PDZRN3: variants seen among roughly 807,000 people sequenced by gnomAD.
PDZRN3 encodes the protein E3 ubiquitin-protein ligase PDZRN3.
In PDZRN3, 38 loss-of-function variants were observed where a neutral mutation model predicts 85.7. The observed-to-expected ratio is 0.44, with a 90% confidence interval of 0.34 to 0.58. The LOEUF is 0.58. PDZRN3 is among the 20% of genes least tolerant of loss of function. The probability of loss-of-function intolerance (pLI) is 0.01; values close to 1 mark genes in which losing one functional copy is unlikely to be tolerated. For missense variants in PDZRN3, 1,629 were observed against 1,506.4 expected (o/e 1.08, Z -1.35); for synonymous variants, 759 against 638.0 (o/e 1.19, Z -2.86).
chr3:73,610,535 T>C (rs1559757173), intron 1 of PDZRN3, among the ~76,000 whole-genome samples: 1 of 152,248 alleles, frequency 6.6e-6, no homozygotes, highest in East Asian at 1.9e-4. Flanking sequence ...GTTTATGTCT[T>C]TCTACTTAGG....
chr3:73,507,546 A>C (rs987623158), intron 3 of PDZRN3, among the ~76,000 whole-genome samples: 1 of 152,222 alleles, frequency 6.6e-6, no homozygotes, highest in Non-Finnish European at 1.5e-5. Context: ...GTGAGATGAC[A>C]GGTTACTTCT....
chr3:73,505,070 C>T (rs749953994), intron 3 of PDZRN3, among the ~76,000 whole-genome samples: 5 of 152,106 alleles, frequency 3.3e-5, no homozygotes, highest in Non-Finnish European at 7.3e-5. Flanking sequence ...AGCCAAATCC[C>T]GTTCCTAGTC....
chr3:73,388,286 G>A (rs2106683472), intron 7 of PDZRN3: 1 of 414,640 alleles, frequency 2.4e-6, no homozygotes, highest in Non-Finnish European at 4.2e-6. Flanking sequence ...GCCTCCATGA[G>A]TATAGTTCAT....
rs559275022 is a variant in PDZRN3 at position 73,390,168 on chromosome 3, G to A, written c.1354-290C>T. ...ACAGCTGACTTTTGTTGCATGCATG[G>A]TAATTAAAATCAAATCAATGATGTA... On this transcript the variant is annotated intron_variant, in intron 6 of 9. Transcript: ENST00000263666. Among the ~76,000 whole-genome samples, 4 of 152,290 alleles carry A rather than the reference G, an allele frequency of 2.6e-5. No individual in the cohort carries two copies. In the East Asian group the frequency reaches 7.7e-4, roughly 29 times the overall value.
At chr3:73,605,857 A>G (rs141249204) in intron 2 of PDZRN3, among the ~76,000 whole-genome samples, 69 of 152,386 alleles carry the variant, frequency 4.5e-4, no homozygotes, top group African/African-American at 1.6e-3. Flanking sequence ...TTGCAAAAAG[A>G]CCACATAAAT....
chr3:73,466,157 G>C (rs563519201), intron 3 of PDZRN3, among the ~76,000 whole-genome samples: 2 of 152,296 alleles, frequency 1.3e-5, no homozygotes, highest in South Asian at 4.1e-4. Flanking sequence ...GTAATTGGCA[G>C]TTCCATTTTC....
chr3:73,449,274 G>A (rs989124764), intron 3 of PDZRN3, among the ~76,000 whole-genome samples: 2 of 151,966 alleles, frequency 1.3e-5, no homozygotes, highest in Non-Finnish European at 2.9e-5. Context: ...ACTCGGCGAG[G>A]AACTCCATGG....
intron 3 of PDZRN3, among the ~76,000 whole-genome samples, chr3:73,571,060 T>C (rs1209160391): frequency 6.6e-6 from 1 of 152,216 alleles, no homozygotes; most frequent in Non-Finnish European, 1.5e-5. Context: ...TGCTGCTCAG[T>C]GTATGGACTA....
At chr3:73,432,451 G>C (rs1356561870) in intron 3 of PDZRN3, among the ~76,000 whole-genome samples, 1 of 152,140 alleles carries the variant, frequency 6.6e-6, no homozygotes, top group East Asian at 1.9e-4. Context: ...CTTGCCTAAG[G>C]AGAGTAGCAA....
At chr3:73,601,188 G>A (rs1414801607) in intron 3 of PDZRN3, among the ~76,000 whole-genome samples, 3 of 152,184 alleles carry the variant, frequency 2.0e-5, no homozygotes, top group Non-Finnish European at 4.4e-5. Context: ...AGATGAGACT[G>A]GAAATGCAAG....
intron 3 of PDZRN3, chr3:73,408,161 G>A (rs1302377723): frequency 2.8e-6 from 2 of 703,350 alleles, no homozygotes; most frequent in Admixed American, 2.0e-5. Context: ...CAGCTCAGAG[G>A]TGGAGTGTGC....
chr3:73,624,609 G>A lies in PDZRN3; in HGVS notation c.217C>T (p.Arg73Cys). The change falls in exon 1 of 10, where the codon CGC becomes TGC. Residue 73 changes from arginine to cysteine, a missense_variant. By Grantham distance (180) the Arg-to-Cys change is radical (BLOSUM62 -3). Transcript: ENST00000263666. ...TTGATGTCCAGCTTGAGGATAAGGC[G>A]CTTGAGCGGCAGGACGTGGTTGAGC... ...KELNHVLPLK[R>C]LILKLDIKCA... is the part of the protein sequence containing the mutation. The A allele has an allele frequency of 6.4e-7, 1 of 1,559,934 alleles. No homozygotes were observed.
chr3:73,541,198 T>G (rs560746243), intron 3 of PDZRN3, among the ~76,000 whole-genome samples: 2 of 152,336 alleles, frequency 1.3e-5, no homozygotes, highest in South Asian at 4.1e-4. Context: ...GGTATACATA[T>G]CTTTAAAAGC....
chr3:73,387,925 T>G, intron 8 of PDZRN3, 43 bp downstream of exon 8: 1 of 933,842 alleles, frequency 1.1e-6, no homozygotes, highest in Non-Finnish European at 1.7e-6. Context: ...TCTTTTGATT[T>G]TAGAAATATA....
chr3:73,524,450 G>A (rs1013140077), intron 3 of PDZRN3, among the ~76,000 whole-genome samples: 1 of 152,162 alleles, frequency 6.6e-6, no homozygotes, highest in Non-Finnish European at 1.5e-5. Context: ...GATCAAGTTC[G>A]GAAAAAACAG....
intron 3 of PDZRN3, among the ~76,000 whole-genome samples, chr3:73,476,166 C>G (rs184112806): frequency 5.3e-5 from 8 of 152,268 alleles, no homozygotes; most frequent in African/African-American, 1.9e-4. Flanking sequence ...TAAGGAACTA[C>G]CTGAGACCAG....
chr3:73,411,908 T>C (rs1701978762), intron 3 of PDZRN3, among the ~76,000 whole-genome samples: 1 of 152,224 alleles, frequency 6.6e-6, no homozygotes, highest in South Asian at 2.1e-4. Context: ...CACTATTCTA[T>C]GCACTCTACC....
Position 73,384,565 on chromosome 3 carries a change from A to C in PDZRN3, c.2001T>G (p.Pro667=). Reference sequence around the variant, plus strand: ...TCTTGCCGGCGTCCAGGGGGCCGCTAGGGTAGTACAGGCCGTAAGGGGTGG... The same window carrying C: ...TCTTGCCGGCGTCCAGGGGGCCGCTCGGGTAGTACAGGCCGTAAGGGGTGG... ...KSATPYGLYY[P]SGPLDAGKSD... Residue 667 remains proline, a synonymous_variant, in exon 10 of 10, where the codon CCT becomes CCG. Coordinates refer to ENST00000263666, the MANE Select transcript of PDZRN3 (RefSeq NM_015009.3). 6.2e-7 allele frequency: 1 copy of C among 1,613,600 alleles called. No homozygotes were observed. The highest frequency in any genetic ancestry group is 8.5e-7 in the Non-Finnish European group (1 of 1,180,016).
intron 3 of PDZRN3, among the ~76,000 whole-genome samples, chr3:73,552,288 A>G (rs2106807823): frequency 6.6e-6 from 1 of 151,638 alleles, no homozygotes; most frequent in East Asian, 1.9e-4. Context: ...AGTCCCTGGG[A>G]GATAGCATTA....
Sources: allele counts gnomAD v4.1 joint callset (sites outside exome capture counted in the v4.1 genomes callset), GRCh38; gene constraint gnomAD v4.1.1; transcripts MANE v1.5; gene names NCBI Gene and HGNC (gene_info 2026-07-23, HGNC 2026-07-21).